The following SP140 variants were observed in gnomAD, a reference collection of about 807,000 sequenced individuals.
SP140 encodes SP140 nuclear body protein, also known as nuclear body protein SP140.
Under a neutral mutation model 125.0 loss-of-function variants are expected in SP140, and 81 were observed. The ratio of observed to expected loss-of-function variants is 0.65; its 90% CI spans 0.54 to 0.78. The LOEUF (loss-of-function observed/expected upper bound fraction) is 0.78, where lower values mean the gene tolerates loss of function less well. Ranked by LOEUF, SP140 falls within the 30% of genes least tolerant of loss-of-function variation. The probability of loss-of-function intolerance (pLI) is 0.00; values close to 1 mark genes in which losing one functional copy is unlikely to be tolerated. For synonymous variants in SP140, 312 were observed against 354.0 expected, an observed-to-expected ratio of 0.88 and a Z score of 1.33; for missense variants, 858 against 1,037.0, an observed-to-expected ratio of 0.83 and a Z score of 2.37.
intron 15 of SP140, among the ~76,000 whole-genome samples, chr2:230,271,619 G>T (rs1423024486): frequency 6.6e-6 from 1 of 152,190 alleles, no homozygotes; most frequent in Non-Finnish European, 1.5e-5. Flanking sequence ...TAGCTAAGGA[G>T]ATTTCCAAAC....
Position 230,269,830 on chromosome 2 carries a change from G to T in SP140, c.1328-7G>T, listed in dbSNP as rs771867672. The T allele has an allele frequency of 5.6e-6, 9 of 1,604,276 alleles. No individual in the cohort carries two copies. In the African/African-American group the frequency reaches 1.2e-4, roughly 21 times the overall value. On this transcript the variant is annotated splice_region_variant and splice_polypyrimidine_tract_variant and intron_variant, in intron 13 of 26. Transcript: ENST00000392045. ...GAAAGTCTTCATGAATCACAATTTT[G>T]GCCCAGGAGCGGAGCAATCAGCATA...
chr2:230,295,883 C>T (rs1290717078), intron 21 of SP140, among the ~76,000 whole-genome samples: 3 of 152,194 alleles, frequency 2.0e-5, no homozygotes, highest in Non-Finnish European at 2.9e-5. Flanking sequence ...TATTCACCCA[C>T]TCAACATATA....
chr2:230,315,013 G>A (rs1001073859), downstream of SP140, among the ~76,000 whole-genome samples: 1 of 152,252 alleles, frequency 6.6e-6, no homozygotes, highest in African/African-American at 2.4e-5. Context: ...GGAAGGCCTG[G>A]CCTGTAGGTA....
At chr2:230,254,679 A>G (rs1018154755) in intron 11 of SP140, among the ~76,000 whole-genome samples, 2 of 152,180 alleles carry the variant, frequency 1.3e-5, no homozygotes, top group African/African-American at 4.8e-5. Context: ...GCTTTAGCAC[A>G]ATTGTTATTT....
chr2:230,293,225 C>T (rs906838227), intron 20 of SP140, among the ~76,000 whole-genome samples: 3 of 152,216 alleles, frequency 2.0e-5, no homozygotes, highest in African/African-American at 7.2e-5. Flanking sequence ...ACAATTGGGG[C>T]AGGTTGTGCA....
At chr2:230,281,094 T>C (rs1267138233) in intron 15 of SP140, among the ~76,000 whole-genome samples, 1 of 152,240 alleles carries the variant, frequency 6.6e-6, no homozygotes, top group African/African-American at 2.4e-5. Context: ...TGTAACTAAC[T>C]GTAACTTCTT....
At chr2:230,251,188 A>G in intron 10 of SP140, 127 bp downstream of exon 10, 1 of 748,422 alleles carries the variant, frequency 1.3e-6, no homozygotes, top group Non-Finnish European at 2.2e-6. Flanking sequence ...TAAATCTGAG[A>G]TTTTTCACAT....
At chr2:230,306,156 G>A (rs963742430) in intron 22 of SP140, among the ~76,000 whole-genome samples, 1 of 152,208 alleles carries the variant, frequency 6.6e-6, no homozygotes, top group Non-Finnish European at 1.5e-5. Flanking sequence ...GTGTCCCTGA[G>A]GCAGGGACCC....
chr2:230,196,543 T>A, the SP140 span, among the ~76,000 whole-genome samples: 566 of 151,956 alleles, frequency 3.7e-3, 3 homozygotes, highest in African/African-American at 0.013. Flanking sequence ...TTCTTTTTTT[T>A]AAAATTTTAT....
At chr2:230,233,325 A>G (rs6436922) in intron 1 of SP140, among the ~76,000 whole-genome samples, 28,062 of 152,110 alleles carry the variant, frequency 0.18, 2,769 homozygotes, top group Middle Eastern at 0.26. Flanking sequence ...CAATTTAAAA[A>G]ACTTTACCAA....
chr2:230,220,874 G>A (rs570295542), upstream of SP140, among the ~76,000 whole-genome samples: 3 of 152,232 alleles, frequency 2.0e-5, no homozygotes, highest in African/African-American at 7.2e-5. Context: ...AACTGAGTGT[G>A]GTGGCATGCA....
the SP140 span, among the ~76,000 whole-genome samples, chr2:230,187,148 G>A: frequency 1.3e-5 from 2 of 152,062 alleles, no homozygotes; most frequent in South Asian, 2.1e-4. Context: ...TTTTCACCAC[G>A]TCCATGTTAA....
chr2:230,250,294 A>G (rs2050166699), intron 9 of SP140, among the ~76,000 whole-genome samples: 1 of 152,182 alleles, frequency 6.6e-6, no homozygotes. Flanking sequence ...ACAGGATTAG[A>G]TGAATTATCC....
chr2:230,270,755 A>G, intron 15 of SP140, 116 bp downstream of exon 15: 1 of 1,016,356 alleles, frequency 9.8e-7, no homozygotes, highest in Non-Finnish European at 1.5e-6. Flanking sequence ...TGTGGTAGAC[A>G]GAAGGATGAC....
intron 7 of SP140, 55 bp downstream of exon 7, chr2:230,245,995 A>T: frequency 9.7e-7 from 1 of 1,025,820 alleles, no homozygotes; most frequent in Non-Finnish European, 1.5e-6. Flanking sequence ...AAAAACACCT[A>T]CTCTTTCATC....
chr2:230,237,368 C>T lies in SP140; in HGVS notation c.237+108C>T. 2.1e-6 allele frequency: 2 copies of T among 931,962 alleles called. No individual in the cohort carries two copies. Among genetic ancestry groups the T allele is most frequent in the Non-Finnish European group, 3.3e-6 (2 of 612,648 alleles). 57.7% of individuals were successfully genotyped at this position (931,962 alleles called of 1,614,324 possible). ...GGCCTCCTGTGAGTGGGGACCTTCA[C>T]CATTCTGTAGGTTAGGAGGTGACAG... On this transcript the variant is annotated intron_variant, in intron 2 of 26. Transcript: ENST00000392045. This position sits in a 1 kb window ranked among gnomAD's most constrained non-coding sequence, Gnocchi z 5.4.
intron 1 of SP140, chr2:230,234,802 T>G (rs2047739399): frequency 6.6e-6 from 1 of 152,246 alleles, no homozygotes; most frequent in African/African-American, 2.4e-5. Context: ...ATGGAATTTT[T>G]GGTACAATAT....
chr2:230,249,460 A>G (rs2050022174), intron 9 of SP140, among the ~76,000 whole-genome samples: 1 of 152,184 alleles, frequency 6.6e-6, no homozygotes, highest in South Asian at 2.1e-4. Context: ...CCCTGCGTGA[A>G]CAGAAGATCT....
intron 23 of SP140, chr2:230,310,293 T>C: frequency 7.6e-6 from 4 of 523,912 alleles, no homozygotes; most frequent in Non-Finnish European, 1.4e-5. Context: ...CATACCGGCA[T>C]TGTCCTTTCC....
Sources: gnomAD v4.1 joint callset for allele counts (sites outside exome capture counted in the v4.1 genomes callset) on GRCh38, gnomAD v4.1.1 for gene constraint, Gnocchi (gnomAD v3.1) non-coding constraint, MANE v1.5 for transcripts, NCBI Gene and HGNC (gene_info 2026-07-23, HGNC 2026-07-21) for gene names.